NR6A1: variants seen among roughly 807,000 people sequenced by gnomAD.
NR6A1 encodes the protein nuclear receptor subfamily 6 group A member 1.
A neutral mutation model predicts 59.1 loss-of-function variants in NR6A1; 7 were observed. The ratio of observed to expected loss-of-function variants is 0.12; its 90% confidence interval spans 0.07 to 0.22. NR6A1 has a LOEUF of 0.22. Among genes scored for constraint, NR6A1 ranks in the 10% least tolerant of loss-of-function variants. The probability of loss-of-function intolerance (pLI) is 1.00; values close to 1 mark genes in which losing one functional copy is unlikely to be tolerated. For synonymous variants in NR6A1, 243 were observed against 236.1 expected (o/e 1.03, Z -0.27); for missense variants, 468 against 611.6 (o/e 0.77, Z 2.48).
intron 1 of NR6A1, among the ~76,000 whole-genome samples, chr9:124,738,210 C>T (rs868603636): frequency 4.0e-5 from 6 of 151,404 alleles, no homozygotes; most frequent in South Asian, 2.1e-4. Context: ...GCGGAGATCG[C>T]GCCACTGTAC....
intron 2 of NR6A1, among the ~76,000 whole-genome samples, chr9:124,591,651 G>C (rs1001892131): frequency 2.0e-5 from 3 of 152,172 alleles, no homozygotes; most frequent in Admixed American, 2.0e-4. Context: ...GACCTTCCAT[G>C]CTTCTCATCC....
At chr9:124,656,188 C>T (rs539157331) in intron 2 of NR6A1, among the ~76,000 whole-genome samples, 1 of 152,270 alleles carries the variant, frequency 6.6e-6, no homozygotes, top group South Asian at 2.1e-4. Context: ...GTGATCTCTG[C>T]ACACACCAGC....
chr9:124,688,869 T>C (rs1220355137), intron 2 of NR6A1, among the ~76,000 whole-genome samples: 2 of 152,362 alleles, frequency 1.3e-5, no homozygotes, highest in Non-Finnish European at 2.9e-5. Context: ...TATTATCATC[T>C]AATTTAATTA....
chr9:124,531,799 C>G (rs1213112941), intron 7 of NR6A1, among the ~76,000 whole-genome samples: 1 of 152,228 alleles, frequency 6.6e-6, no homozygotes, highest in Non-Finnish European at 1.5e-5. Context: ...ACATTTTCCA[C>G]TCGCTGAAGT....
chr9:124,603,775 A>G (rs950200297), intron 2 of NR6A1, among the ~76,000 whole-genome samples: 1 of 151,968 alleles, frequency 6.6e-6, no homozygotes, highest in African/African-American at 2.4e-5. Context: ...GAAAGGGGGA[A>G]AAAAAACCTT....
At chr9:124,589,979 C>T (rs1033123190) in intron 2 of NR6A1, among the ~76,000 whole-genome samples, 1 of 142,092 alleles carries the variant, frequency 7.0e-6, no homozygotes, top group Non-Finnish European at 1.5e-5. Flanking sequence ...GCAGGAGAAT[C>T]GCTTGAGCCC....
At chr9:124,621,295 C>G (rs1165884939) in intron 2 of NR6A1, among the ~76,000 whole-genome samples, 1 of 152,100 alleles carries the variant, frequency 6.6e-6, no homozygotes, top group Non-Finnish European at 1.5e-5. Context: ...GATTCCCTGA[C>G]ACAAGAAGAA....
At chr9:124,753,694 T>C (rs1840565830) in intron 1 of NR6A1, among the ~76,000 whole-genome samples, 1 of 152,208 alleles carries the variant, frequency 6.6e-6, no homozygotes, top group African/African-American at 2.4e-5. Flanking sequence ...TCCCTTCCCT[T>C]TTAAGGATAT....
At chr9:124,677,017 A>G (rs1412645337) in intron 2 of NR6A1, among the ~76,000 whole-genome samples, 1 of 152,146 alleles carries the variant, frequency 6.6e-6, no homozygotes, top group South Asian at 2.1e-4. Flanking sequence ...AACTGATACC[A>G]CACAAACAAG....
chr9:124,555,846 T>A (rs971667017), intron 2 of NR6A1, among the ~76,000 whole-genome samples: 1 of 152,286 alleles, frequency 6.6e-6, no homozygotes, highest in East Asian at 1.9e-4. Flanking sequence ...ATAATAGACA[T>A]TTGATAACTG....
chr9:124,655,316 G>A (rs2130928962), intron 2 of NR6A1, among the ~76,000 whole-genome samples: 1 of 152,240 alleles, frequency 6.6e-6, no homozygotes, highest in South Asian at 2.1e-4. Context: ...TCAAATCCCA[G>A]TTATACATTT....
intron 1 of NR6A1, among the ~76,000 whole-genome samples, chr9:124,747,778 T>TCA (rs1434788108): frequency 6.6e-6 from 1 of 152,084 alleles, no homozygotes; most frequent in Non-Finnish European, 1.5e-5. Context: ...AATAATATAG[T>TCA]CAATCACCAG....
intron 2 of NR6A1, among the ~76,000 whole-genome samples, chr9:124,641,694 G>A (rs2130902261): frequency 6.6e-6 from 1 of 152,298 alleles, no homozygotes; most frequent in East Asian, 1.9e-4. Context: ...TTCAAAAAAA[G>A]AGAGAGGGGA....
At chr9:124,720,382 A>G (rs1360869589) in intron 2 of NR6A1, among the ~76,000 whole-genome samples, 3 of 152,224 alleles carry the variant, frequency 2.0e-5, no homozygotes, top group South Asian at 2.1e-4. Flanking sequence ...GACAACTAAC[A>G]TGATTTTATT....
intron 2 of NR6A1, among the ~76,000 whole-genome samples, chr9:124,556,267 A>C (rs918885932): frequency 5.3e-5 from 8 of 152,292 alleles, no homozygotes; most frequent in Middle Eastern, 3.4e-3. Flanking sequence ...AGATCTGATA[A>C]AGATAGTAGA....
At chr9:124,687,107 C>CT (rs551488710) in intron 2 of NR6A1, among the ~76,000 whole-genome samples, 1,924 of 145,256 alleles carry the variant, frequency 0.013, 37 homozygotes, top group African/African-American at 0.043. Context: ...TGTCCACATC[C>CT]TTTTTTTTTT....
At chr9:124,710,754 T>C (rs1279380436) in intron 2 of NR6A1, among the ~76,000 whole-genome samples, 1 of 152,130 alleles carries the variant, frequency 6.6e-6, no homozygotes, top group Non-Finnish European at 1.5e-5. Flanking sequence ...TTGCCAAAAA[T>C]GGGTGGAAAA....
intron 2 of NR6A1, among the ~76,000 whole-genome samples, chr9:124,721,644 GA>G (rs1382258542): frequency 6.6e-5 from 10 of 152,224 alleles, no homozygotes; most frequent in Admixed American, 5.2e-4. Context: ...GACAACTCGG[GA>G]ACCTATTCCA....
At chr9:124,628,851 G>T (rs919443195) in intron 2 of NR6A1, among the ~76,000 whole-genome samples, 2 of 151,602 alleles carry the variant, frequency 1.3e-5, no homozygotes, top group African/African-American at 2.4e-5. Context: ...GTAGAGACGG[G>T]GTTTCACCAT....
Sources: gnomAD v4.1 joint callset for allele counts (sites outside exome capture counted in the v4.1 genomes callset) on GRCh38, gnomAD v4.1.1 for gene constraint, MANE v1.5 for transcripts, NCBI Gene and HGNC (gene_info 2026-07-23, HGNC 2026-07-21) for gene names.